Variants in TECRL observed in about 807,000 individuals in gnomAD.
TECRL encodes the protein trans-2,3-enoyl-CoA reductase-like.
In TECRL, 63 loss-of-function variants were observed where a neutral mutation model predicts 52.8. The observed-to-expected ratio is 1.19, with a 90% CI of 0.97 to 1.47. The LOEUF (loss-of-function observed/expected upper bound fraction) is 1.47. Ranked by LOEUF, TECRL falls within the 40% of genes most tolerant of loss-of-function variation. The pLI is 0.00. For synonymous variants in TECRL, 164 were observed against 141.9 expected (o/e 1.16, Z -1.10); for missense variants, 482 against 429.6 (o/e 1.12, Z -1.08).
chr4:64,319,083 A>G (rs1476134045), intron 4 of TECRL, among the ~76,000 whole-genome samples: 1 of 151,922 alleles, frequency 6.6e-6, no homozygotes, highest in East Asian at 1.9e-4. Context: ...AATGTATATT[A>G]GCATTTAATA....
intron 5 of TECRL, among the ~76,000 whole-genome samples, chr4:64,311,977 T>C (rs1192393094): frequency 6.6e-6 from 1 of 152,164 alleles, no homozygotes; most frequent in Non-Finnish European, 1.5e-5. Context: ...TGGTTTCTGT[T>C]GAAGAAGATA....
At chr4:64,370,272 G>A (rs541721018) in intron 2 of TECRL, among the ~76,000 whole-genome samples, 1 of 151,736 alleles carries the variant, frequency 6.6e-6, no homozygotes, top group African/African-American at 2.4e-5. Flanking sequence ...AGTATGAGAA[G>A]ACAATTTTTT....
intron 2 of TECRL, among the ~76,000 whole-genome samples, chr4:64,350,818 T>C (rs963680353): frequency 1.3e-5 from 2 of 151,890 alleles, no homozygotes. Context: ...CCACATTCTT[T>C]TGGTTCTGTT....
intron 4 of TECRL, among the ~76,000 whole-genome samples, chr4:64,320,799 T>C (rs747293279): frequency 6.6e-6 from 1 of 152,086 alleles, no homozygotes; most frequent in Admixed American, 6.6e-5. Context: ...CAAAGGTCTG[T>C]AGACATCACA....
chr4:64,310,189 CTG>C (rs972687250), intron 5 of TECRL, among the ~76,000 whole-genome samples: 4 of 152,102 alleles, frequency 2.6e-5, no homozygotes, highest in African/African-American at 9.7e-5. Context: ...CAGTCATAAA[CTG>C]TTATGCTCAC....
At chr4:64,286,982 T>G (rs748690041) in intron 9 of TECRL, among the ~76,000 whole-genome samples, 7 of 152,130 alleles carry the variant, frequency 4.6e-5, no homozygotes, top group Non-Finnish European at 8.8e-5. Context: ...CTAAAAAAAT[T>G]TAGACCCTCA....
rs183159482 is a variant in TECRL at position 64,336,077 on chromosome 4, G to A, written c.287-7521C>T. Among the ~76,000 whole-genome samples the A allele has an allele frequency of 3.5e-3, 530 of 151,920 alleles. 4 individuals carry two copies. Among genetic ancestry groups the A allele is most frequent in the African/African-American group, 0.012 (507 of 41,396 alleles). On this transcript the variant is annotated intron_variant, in intron 2 of 11. Coordinates refer to ENST00000381210, the MANE Select transcript of TECRL (RefSeq NM_001010874.5). ...TTTTTCTATTGATTGGAATAGTTTC[G>A]GAAGGAATGGTACCAGCTCCTCTTT...
At chr4:64,300,091 G>A in intron 7 of TECRL, 74 bp from the exon 8 acceptor site, 1 of 1,170,860 alleles carries the variant, frequency 8.5e-7, no homozygotes, top group Non-Finnish European at 1.2e-6. Context: ...CATAATTCAG[G>A]CAGTATTTAT....
intron 2 of TECRL, among the ~76,000 whole-genome samples, chr4:64,340,262 C>T (rs1719461633): frequency 6.6e-6 from 1 of 152,156 alleles, no homozygotes; most frequent in African/African-American, 2.4e-5. Flanking sequence ...CTGCAGACCC[C>T]AGCCTCTCAC....
intron 2 of TECRL, among the ~76,000 whole-genome samples, chr4:64,345,926 A>AAAAAAAAAAAAAAAAC: frequency 6.8e-6 from 1 of 146,326 alleles, no homozygotes; most frequent in Non-Finnish European, 1.5e-5. Context: ...AAAAAAAAAA[A>AAAAAAAAAAAAAAAAC]AAAAACATTT....
intron 6 of TECRL, 84 bp downstream of exon 6, chr4:64,309,742 G>T: frequency 1.1e-6 from 1 of 901,536 alleles, no homozygotes; most frequent in Non-Finnish European, 1.8e-6. Flanking sequence ...CTAAGTTTCG[G>T]AAGGAAACAA....
At chr4:64,375,753 T>G (rs1722355569) in intron 1 of TECRL, among the ~76,000 whole-genome samples, 1 of 151,876 alleles carries the variant, frequency 6.6e-6, no homozygotes, top group Admixed American at 6.6e-5. Context: ...GAGATATATT[T>G]TTTGGATTCC....
chr4:64,293,663 G>T (rs1225123027), intron 8 of TECRL, among the ~76,000 whole-genome samples: 36 of 85,530 alleles, frequency 4.2e-4, no homozygotes, highest in Non-Finnish European at 1.7e-4. Flanking sequence ...TTTAAATATT[G>T]TTAATTTTTT....
chr4:64,313,476 CTTTTT>C (rs565143298), intron 5 of TECRL, among the ~76,000 whole-genome samples: 2 of 66,320 alleles, frequency 3.0e-5, no homozygotes, highest in Non-Finnish European at 2.8e-5. Flanking sequence ...TGCCTTACTC[CTTTTT>C]TTTTTTTTTT....
intron 8 of TECRL, among the ~76,000 whole-genome samples, chr4:64,293,555 G>T (rs1723511066): frequency 6.6e-6 from 1 of 152,000 alleles, no homozygotes; most frequent in Non-Finnish European, 1.5e-5. Context: ...ATTGTGTCTT[G>T]GTCAGTAACC....
In TECRL at chr4:64,395,147, T is replaced by G. The variant is rs1723844398; in HGVS notation, c.234+13971A>C. Among the ~76,000 whole-genome samples the G allele has an allele frequency of 2.0e-5, 3 of 151,994 alleles. No individual in the cohort carries two copies. In the South Asian group the frequency reaches 6.2e-4, roughly 32 times the overall value. ...GTTGGCCAGGCTGGTCTCAAACTCC[T>G]GGCCTCAGGTGATCCTCCTGTCTCA... On this transcript the variant is annotated intron_variant, in intron 1 of 11. Coordinates refer to ENST00000381210, the MANE Select transcript of TECRL (RefSeq NM_001010874.5).
intron 9 of TECRL, among the ~76,000 whole-genome samples, chr4:64,288,519 GTTGTC>G (rs1378249119): frequency 6.6e-6 from 1 of 152,110 alleles, no homozygotes; most frequent in Non-Finnish European, 1.5e-5. Context: ...ATTTTGAAGT[GTTGTC>G]TTTTCTTATT....
At position 64,323,400 on chromosome 4, in the gene TECRL, G is replaced by GAAAAC. The variant is rs1277352616; in HGVS notation, c.332-613_332-609dup. 6.6e-5 allele frequency among the ~76,000 whole-genome samples: 10 copies of GAAAAC among 151,910 alleles called. No homozygotes were observed. In the East Asian group the frequency reaches 1.7e-3, roughly 26 times the overall value. ...CGACAAAGAGACCCTGCCTCAAAAT[G>GAAAAC]AAAACAAAACAAAACAACAAAAAGT... On this transcript the variant is annotated intron_variant, in intron 3 of 11. Transcript: ENST00000381210.
intron 1 of TECRL, 66 bp downstream of exon 1, chr4:64,409,052 A>C: frequency 3.0e-6 from 4 of 1,318,018 alleles, no homozygotes; most frequent in Non-Finnish European, 3.1e-6. Flanking sequence ...TCAAGCAATC[A>C]ATAATATTTG....
Sources: gnomAD v4.1 joint callset for allele counts (sites outside exome capture counted in the v4.1 genomes callset) on GRCh38, gnomAD v4.1.1 for gene constraint, MANE v1.5 for transcripts, NCBI Gene and HGNC (gene_info 2026-07-23, HGNC 2026-07-21) for gene names.